Variants in DNAH9 observed in about 807,000 individuals in gnomAD.
DNAH9 encodes dynein axonemal heavy chain 9.
In DNAH9, 345 loss-of-function variants were observed where a neutral mutation model predicts 471.6. The observed-to-expected ratio is 0.73, with a 90% CI of 0.67 to 0.80. DNAH9 has a LOEUF of 0.80. Ranked by LOEUF, DNAH9 falls within the 30% of genes least tolerant of loss-of-function variation. The pLI, the probability that DNAH9 is intolerant of heterozygous loss-of-function variation, is 0.00. For synonymous variants in DNAH9, 2,093 were observed against 2,123.6 expected, an observed-to-expected ratio of 0.99 and a Z score of 0.40; for missense variants, 5,407 against 5,609.2, an observed-to-expected ratio of 0.96 and a Z score of 1.15.
intron 38 of DNAH9, among the ~76,000 whole-genome samples, chr17:11,778,144 A>G (rs992080214): frequency 1.3e-5 from 2 of 151,790 alleles, no homozygotes; most frequent in African/African-American, 4.8e-5. Flanking sequence ...TTGGAAGAAG[A>G]GGATTCGAGG....
chr17:11,869,056 T>C (rs527670093), intron 50 of DNAH9, 78 bp from the exon 51 acceptor site: 9 of 1,547,830 alleles, frequency 5.8e-6, no homozygotes, highest in African/African-American at 4.1e-5. Flanking sequence ...ACCACCTCCA[T>C]GTGAACCCTC....
At chr17:11,913,009 AAC>A (rs1355816948) in intron 61 of DNAH9, among the ~76,000 whole-genome samples, 1 of 152,122 alleles carries the variant, frequency 6.6e-6, no homozygotes, top group Non-Finnish European at 1.5e-5. Flanking sequence ...CTCTACTAAA[AAC>A]ACAAAAACTA....
intron 30 of DNAH9, 93 bp from the exon 31 acceptor site, chr17:11,744,704 C>G: frequency 8.9e-7 from 1 of 1,119,890 alleles, no homozygotes; most frequent in East Asian, 2.4e-5. Context: ...CAGAGGTGAC[C>G]TAATGCTCAT....
intron 43 of DNAH9, among the ~76,000 whole-genome samples, chr17:11,802,382 C>G (rs1422136177): frequency 6.6e-6 from 1 of 152,116 alleles, no homozygotes; most frequent in Non-Finnish European, 1.5e-5. Context: ...AATCCCAGCA[C>G]TTTGGGAGAC....
intron 68 of DNAH9, among the ~76,000 whole-genome samples, chr17:11,966,484 G>A (rs1471537535): frequency 2.0e-5 from 3 of 152,122 alleles, no homozygotes; most frequent in African/African-American, 4.8e-5. Flanking sequence ...GAGTCCTTCA[G>A]GCAAAAGGAA....
intron 36 of DNAH9, among the ~76,000 whole-genome samples, chr17:11,767,763 C>T (rs1354693459): frequency 6.6e-6 from 1 of 151,972 alleles, no homozygotes; most frequent in Non-Finnish European, 1.5e-5. Flanking sequence ...CAGCCCCATG[C>T]GTAAGGGGCC....
chr17:11,782,597 T>G (rs1281402309), intron 39 of DNAH9, among the ~76,000 whole-genome samples: 1 of 152,202 alleles, frequency 6.6e-6, no homozygotes, highest in African/African-American at 2.4e-5. Flanking sequence ...CTTCACATCA[T>G]TTAAACTTGC....
At chr17:11,906,504 G>A (rs892768437) in intron 61 of DNAH9, among the ~76,000 whole-genome samples, 4 of 151,928 alleles carry the variant, frequency 2.6e-5, no homozygotes, top group Non-Finnish European at 5.9e-5. Context: ...GCAGGCACCT[G>A]TAATCCCAGC....
chr17:11,770,446 G>GA (rs59098649), intron 38 of DNAH9, among the ~76,000 whole-genome samples: 21,488 of 152,126 alleles, frequency 0.14, 2,101 homozygotes, highest in African/African-American at 0.28. Flanking sequence ...AATGCTGATG[G>GA]GGGGGAGCAC....
chr17:11,867,173 A>G (rs544226880), intron 50 of DNAH9, among the ~76,000 whole-genome samples: 4 of 152,188 alleles, frequency 2.6e-5, no homozygotes, highest in African/African-American at 9.6e-5. Context: ...GCTCCTCTCC[A>G]TTCTTTTTTT....
chr17:11,729,737 C>T (rs752777651), intron 28 of DNAH9, among the ~76,000 whole-genome samples: 10 of 152,210 alleles, frequency 6.6e-5, no homozygotes, highest in Non-Finnish European at 1.0e-4. Flanking sequence ...CCAGCATCAT[C>T]CTTGTCCCCC....
chr17:11,735,956 C>T (rs1001935908), intron 28 of DNAH9, among the ~76,000 whole-genome samples: 3 of 152,218 alleles, frequency 2.0e-5, no homozygotes, highest in Admixed American at 6.5e-5. Context: ...TAAGCTTGAG[C>T]TGCTCCACTT....
chr17:11,762,506 C>T (rs1487923829), intron 35 of DNAH9, among the ~76,000 whole-genome samples: 1 of 152,108 alleles, frequency 6.6e-6, no homozygotes, highest in African/African-American at 2.4e-5. Flanking sequence ...CAATTAAGGC[C>T]TCTAAAGCCA....
intron 4 of DNAH9, 129 bp downstream of exon 4, chr17:11,611,909 A>G (rs1251269254): frequency 3.4e-6 from 3 of 869,934 alleles, no homozygotes; most frequent in Non-Finnish European, 5.7e-6. Context: ...ACAAACTAGC[A>G]TGGTGGCAAG....
At chr17:11,950,450 G>GT (rs1344829484) in intron 67 of DNAH9, among the ~76,000 whole-genome samples, 1 of 152,124 alleles carries the variant, frequency 6.6e-6, no homozygotes, top group Non-Finnish European at 1.5e-5. Context: ...GAGTGTGGTG[G>GT]TGTGATCATG....
At chr17:11,956,308 T>C (rs866414989) in intron 67 of DNAH9, among the ~76,000 whole-genome samples, 2 of 152,166 alleles carry the variant, frequency 1.3e-5, no homozygotes, top group Admixed American at 6.6e-5. Context: ...CCTAAGTGTA[T>C]AGGCACCTCA....
At chr17:11,666,202 C>T (rs2073864418) in intron 15 of DNAH9, among the ~76,000 whole-genome samples, 1 of 152,182 alleles carries the variant, frequency 6.6e-6, no homozygotes, top group Non-Finnish European at 1.5e-5. Context: ...GTGAACTGAC[C>T]AAGCCTCCTC....
At chr17:11,741,359 G>A (rs1312368164) in intron 29 of DNAH9, among the ~76,000 whole-genome samples, 1 of 152,146 alleles carries the variant, frequency 6.6e-6, no homozygotes, top group African/African-American at 2.4e-5. Flanking sequence ...GCCATTCTGT[G>A]TCAAGATAGG....
chr17:11,798,473 G>T, intron 43 of DNAH9, among the ~76,000 whole-genome samples: 1 of 147,872 alleles, frequency 6.8e-6, no homozygotes, highest in Non-Finnish European at 1.5e-5. Flanking sequence ...GAGAGAGAGA[G>T]AGAGATAGAG....
Sources: gnomAD v4.1 joint callset for allele counts (sites outside exome capture counted in the v4.1 genomes callset) on GRCh38, gnomAD v4.1.1 for gene constraint, MANE v1.5 for transcripts, NCBI Gene and HGNC (gene_info 2026-07-23, HGNC 2026-07-21) for gene names.